Variants in SNX14 observed in about 807,000 individuals in gnomAD.
SNX14 encodes the protein sorting nexin-14.
Under a neutral mutation model 133.8 loss-of-function variants are expected in SNX14, and 93 were observed. The ratio of observed to expected loss-of-function variants is 0.70; its 90% CI spans 0.59 to 0.83. SNX14 has a LOEUF of 0.83. SNX14 is among the 40% of genes least tolerant of loss of function. The probability of loss-of-function intolerance (pLI) is 0.00; values close to 1 mark genes in which losing one functional copy is unlikely to be tolerated. For synonymous variants in SNX14, 368 were observed against 365.6 expected (o/e 1.01, Z -0.07); for missense variants, 945 against 1,094.9 (o/e 0.86, Z 1.93).
At chr6:85,543,879 C>A in intron 12 of SNX14, 119 bp from the exon 13 acceptor site, 1 of 485,372 alleles carries the variant, frequency 2.1e-6, no homozygotes, top group Non-Finnish European at 3.2e-6. Context: ...CAATCTAATT[C>A]ATCTAAGTTT....
intron 16 of SNX14, 112 bp from the exon 17 acceptor site, chr6:85,537,036 A>G: frequency 8.9e-7 from 1 of 1,125,832 alleles, no homozygotes; most frequent in Non-Finnish European, 1.2e-6. Flanking sequence ...GATAAACTAA[A>G]GGTATAGCTA....
intron 23 of SNX14, among the ~76,000 whole-genome samples, chr6:85,516,388 T>A (rs902055571): frequency 6.6e-6 from 1 of 152,128 alleles, no homozygotes; most frequent in Non-Finnish European, 1.5e-5. Flanking sequence ...TCATGACTCA[T>A]GAAGTAATAA....
intron 9 of SNX14, 132 bp from the exon 10 acceptor site, chr6:85,547,682 T>G: frequency 2.9e-6 from 2 of 700,280 alleles, no homozygotes; most frequent in East Asian, 5.7e-5. Context: ...GCAAAAAATC[T>G]GCACATATGT....
chr6:85,514,615 C>A lies in SNX14; in HGVS notation c.2283G>T (p.Leu761=). The stretch of plus-strand genomic sequence containing the variant: ...CAGCACGGTTTGCATTATTTTTAAA[C>A]AGATCATTGAAAAGCTAAAATAAAA... ...SENNKKLFND[L]FKNNANRAEN... The change falls in exon 24 of 29, where the codon CTG becomes CTT. Residue 761 remains leucine, a synonymous_variant. Coordinates refer to ENST00000314673, the MANE Select transcript of SNX14 (RefSeq NM_153816.6). 1 of 1,610,966 alleles carries A rather than the reference C, an allele frequency of 6.2e-7. No homozygotes were observed. Among genetic ancestry groups the A allele is most frequent in the Non-Finnish European group, 8.5e-7 (1 of 1,178,288 alleles).
chr6:85,507,931 T>C lies in SNX14; in HGVS notation c.2745+37A>G, dbSNP rs556254370. ...ACCTTACTACGTCGTTCACCAAACC[T>C]AGCCAGCATGAGTTTACGAGCTTTA... On this transcript the variant is annotated intron_variant, in intron 27 of 28. Transcript: ENST00000314673. The C allele has an allele frequency of 2.3e-5, 37 of 1,576,420 alleles. No homozygotes were observed. In the South Asian group the frequency reaches 3.2e-4, roughly 14 times the overall value.
intron 1 of SNX14, among the ~76,000 whole-genome samples, chr6:85,583,236 T>C (rs1799600351): frequency 6.6e-6 from 1 of 152,132 alleles, no homozygotes; most frequent in African/African-American, 2.4e-5. Flanking sequence ...ATCAATAAAC[T>C]AGGTATTCAT....
At position 85,553,628 on chromosome 6, in the gene SNX14, CA is replaced by C. The variant is rs761409323; in HGVS notation, c.635-3750del. Among the ~76,000 whole-genome samples, 12 of 151,602 alleles carry C rather than the reference CA, an allele frequency of 7.9e-5. No individual in the cohort carries two copies. In the South Asian group the frequency reaches 1.7e-3, roughly 21 times the overall value. ...TGAAACCCCGTCTCTACTAAAAATA[CA>C]AAAAAAATTAGCCAGGCGTGATGGC... On this transcript the variant is annotated intron_variant, in intron 7 of 28. Coordinates refer to ENST00000314673, the MANE Select transcript of SNX14 (RefSeq NM_153816.6).
chr6:85,535,028 C>CTT (rs35936403), intron 17 of SNX14, among the ~76,000 whole-genome samples: 39 of 124,144 alleles, frequency 3.1e-4, no homozygotes, highest in African/African-American at 1.0e-3. Context: ...TCTATCCATA[C>CTT]TTTTTTTTTT....
chr6:85,515,262 C>CAGAA (rs1774476776), intron 23 of SNX14, among the ~76,000 whole-genome samples: 1 of 22,768 alleles, frequency 4.4e-5, no homozygotes, highest in Non-Finnish European at 9.6e-5. Flanking sequence ...GCAAGACCGT[C>CAGAA]AAAAAAAAAA....
Position 85,536,917 on chromosome 6 carries a change from G to A in SNX14, c.1483C>T (p.Gln495Ter). 6.2e-7 allele frequency: 1 copy of A among 1,610,998 alleles called. No individual in the cohort carries two copies. Among genetic ancestry groups the A allele is most frequent in the Non-Finnish European group, 8.5e-7 (1 of 1,178,674 alleles). Residue 495 changes from glutamine (Q) to a stop codon, truncating the protein, a stop_gained, in exon 17 of 29, where the codon CAG becomes TAG. Transcript: ENST00000314673. LOFTEE classifies it high-confidence loss of function. ...SLSLDDFRNT[Q>*]KRGESFGISR... Reference sequence around the variant, plus strand: ...ATTCCAAATGATTCTCCCCTTTTCTGTGTGTTCCTGAATATTAAACAAAAA... The same window carrying A: ...ATTCCAAATGATTCTCCCCTTTTCTATGTGTTCCTGAATATTAAACAAAAA...
chr6:85,555,469 C>T (rs972348229), intron 7 of SNX14, among the ~76,000 whole-genome samples: 1 of 152,054 alleles, frequency 6.6e-6, no homozygotes, highest in Admixed American at 6.6e-5. Flanking sequence ...GAAAGAAATC[C>T]ATCTGAAACA....
Position 85,548,324 on chromosome 6 carries a change from A to G in SNX14, c.844T>C (p.Ser282Pro). The G allele has an allele frequency of 6.2e-7, 1 of 1,608,082 alleles. No homozygotes were observed. The highest frequency in any genetic ancestry group is 1.1e-5 in the South Asian group (1 of 89,338). The change falls in exon 9 of 29, where the codon TCT (serine) becomes CCT (proline). Residue 282 changes from serine (S) to proline (P), a missense_variant. Ser to Pro is a moderately conservative substitution (Grantham distance 74, BLOSUM62 -1). Around this residue, in one of 3 missense-constraint regions of SNX14, gnomAD observed 514 missense variants for 538.8 expected, o/e 0.95. Coordinates refer to ENST00000314673, the MANE Select transcript of SNX14 (RefSeq NM_153816.6). ...EILSGSVFLP[S>P]LDFLADPDTV... is the part of the protein sequence containing the mutation. ...ACTGGATCAGCTAGGAAATCCAAAG[A>G]AGGAAGGAACACAGAGCCAGACAGA...
At chr6:85,543,048 G>T in intron 14 of SNX14, 134 bp downstream of exon 14, 1 of 878,952 alleles carries the variant, frequency 1.1e-6, no homozygotes, top group Non-Finnish European at 1.6e-6. Context: ...GATTATAGGC[G>T]TGAGCAACTG....
intron 1 of SNX14, among the ~76,000 whole-genome samples, chr6:85,576,192 C>T (rs962246090): frequency 1.3e-5 from 2 of 152,118 alleles, no homozygotes; most frequent in Non-Finnish European, 2.9e-5. Flanking sequence ...AAACCAGGGA[C>T]TGCCCGTATT....
intron 1 of SNX14, among the ~76,000 whole-genome samples, chr6:85,584,700 T>C (rs1800106589): frequency 6.6e-6 from 1 of 152,234 alleles, no homozygotes; most frequent in Non-Finnish European, 1.5e-5. Context: ...CACAATGAGA[T>C]ACCATTTCAT....
chr6:85,572,470 T>C, intron 2 of SNX14, 96 bp from the exon 3 acceptor site: 1 of 951,524 alleles, frequency 1.1e-6, no homozygotes, highest in Non-Finnish European at 1.6e-6. Context: ...AAAATCAATG[T>C]ATAAATTCAA....
rs1794237559 is a variant in SNX14, at chr6:85,567,446, G to A, written c.461+88C>T. 4.1e-6 allele frequency: 4 copies of A among 963,976 alleles called. No individual in the cohort carries two copies. The East Asian group carries it at 1.1e-4, about 27-fold the overall frequency. 59.7% of individuals were successfully genotyped at this position (963,976 alleles called of 1,614,324 possible). A position where few individuals can be genotyped will look rare whatever the true frequency, so the allele number is the denominator to read the frequency against. On this transcript the variant is annotated intron_variant, in intron 5 of 28. Coordinates refer to ENST00000314673, the MANE Select transcript of SNX14 (RefSeq NM_153816.6). ...AACAATGACAAAGTTGAGAAATCCTGGTCTACATGAAAAACATGTCATTAG... is the reference window on the plus strand; with the variant it reads ...AACAATGACAAAGTTGAGAAATCCTAGTCTACATGAAAAACATGTCATTAG...
intron 4 of SNX14, chr6:85,568,373 T>C (rs1583000095): frequency 1.3e-5 from 2 of 152,140 alleles, no homozygotes; most frequent in East Asian, 3.9e-4. Context: ...CTGAAGGGAG[T>C]ATAGTGGCTA....
chr6:85,571,499 T>C (rs950517480), intron 4 of SNX14, among the ~76,000 whole-genome samples: 1 of 152,184 alleles, frequency 6.6e-6, no homozygotes, highest in Non-Finnish European at 1.5e-5. Flanking sequence ...ACATCCAATT[T>C]GATTCAATAC....
Sources: gnomAD v4.1 joint callset for allele counts (sites outside exome capture counted in the v4.1 genomes callset) on GRCh38, gnomAD v4.1.1 for gene constraint, gnomAD v4.1.1 regional missense constraint, MANE v1.5 for transcripts, NCBI Gene and HGNC (gene_info 2026-07-23, HGNC 2026-07-21) for gene names.